Variants in IQGAP2 observed in about 807,000 individuals in gnomAD.
The protein encoded by IQGAP2 is ras GTPase-activating-like protein IQGAP2.
Under a neutral mutation model 201.3 loss-of-function variants are expected in IQGAP2, and 173 were observed. The observed-to-expected ratio is 0.86, with a 90% confidence interval of 0.76 to 0.98. IQGAP2 has a LOEUF of 0.98. Ranked by LOEUF, IQGAP2 falls within the 50% of genes least tolerant of loss-of-function variation. The pLI, the probability that IQGAP2 is intolerant of heterozygous loss-of-function variation, is 0.00. For synonymous variants in IQGAP2, 675 were observed against 673.9 expected (o/e 1.00, Z -0.03); for missense variants, 1,687 against 1,864.8 (o/e 0.90, Z 1.76).
At chr5:76,516,200 A>G (rs544693997) in intron 2 of IQGAP2, among the ~76,000 whole-genome samples, 1 of 152,266 alleles carries the variant, frequency 6.6e-6, no homozygotes, top group African/African-American at 2.4e-5. Flanking sequence ...AAAAGGAAGT[A>G]TAGTTTAATA....
At chr5:76,466,059 A>T (rs1754756462) in intron 2 of IQGAP2, among the ~76,000 whole-genome samples, 1 of 152,122 alleles carries the variant, frequency 6.6e-6, no homozygotes, top group Non-Finnish European at 1.5e-5. Flanking sequence ...TATGGTGGCC[A>T]GGTCTGGTGG....
intron 2 of IQGAP2, among the ~76,000 whole-genome samples, chr5:76,517,674 A>G (rs574936544): frequency 6.6e-6 from 1 of 152,156 alleles, no homozygotes; most frequent in South Asian, 2.1e-4. Flanking sequence ...ATTTCTTGTA[A>G]GTTCACCAGA....
intron 1 of IQGAP2, among the ~76,000 whole-genome samples, chr5:76,424,162 A>G (rs976437669): frequency 1.3e-5 from 2 of 152,158 alleles, no homozygotes; most frequent in Non-Finnish European, 2.9e-5. Flanking sequence ...TGAACTGTAG[A>G]ATTCGTGAGG....
intron 29 of IQGAP2, among the ~76,000 whole-genome samples, 193 bp from the exon 30 acceptor site, chr5:76,683,583 C>T (rs540468360): frequency 6.6e-6 from 1 of 152,182 alleles, no homozygotes; most frequent in East Asian, 1.9e-4. Context: ...ACCTATGTCC[C>T]ATGTCATTTT....
In IQGAP2 at chr5:76,413,137, C is replaced by T. The variant is rs201332454; in HGVS notation, c.46+9546C>T. ...GGATTTAAAATCCTAGCCCTATTTTCTTTTTTCTTTTCTTTTCTCTTTTTT... is the reference window on the plus strand; with the variant it reads ...GGATTTAAAATCCTAGCCCTATTTTTTTTTTTCTTTTCTTTTCTCTTTTTT... On this transcript the variant is annotated intron_variant, in intron 1 of 35. Transcript: ENST00000274364. 1.6e-3 allele frequency among the ~76,000 whole-genome samples: 173 copies of T among 109,844 alleles called. 1 individual carries two copies. The highest frequency in any genetic ancestry group is 0.012 in the Admixed American group (141 of 11,558). 72.1% of individuals were successfully genotyped at this position (109,844 alleles called of 152,430 possible).
chr5:76,670,024 T>C (rs948485587), intron 23 of IQGAP2, among the ~76,000 whole-genome samples: 1 of 152,008 alleles, frequency 6.6e-6, no homozygotes, highest in African/African-American at 2.4e-5. Flanking sequence ...GGTTTCACCA[T>C]GTTGGCCAGG....
chr5:76,680,474 G>T (rs1013265202), intron 28 of IQGAP2, among the ~76,000 whole-genome samples: 6 of 152,178 alleles, frequency 3.9e-5, no homozygotes, highest in African/African-American at 1.4e-4. Context: ...GCAAAGGAAG[G>T]AAATAAACTA....
intron 22 of IQGAP2, 40 bp from the exon 23 acceptor site, chr5:76,668,641 G>A (rs543864416): frequency 1.4e-5 from 22 of 1,530,566 alleles, no homozygotes; most frequent in East Asian, 2.3e-5. Flanking sequence ...TTATTGTTTT[G>A]TGGGATTTTT....
chr5:76,586,300 T>C (rs757932015), intron 5 of IQGAP2, among the ~76,000 whole-genome samples: 7 of 151,830 alleles, frequency 4.6e-5, no homozygotes, highest in Admixed American at 1.3e-4. Flanking sequence ...GGATAAGATA[T>C]AAATATCACA....
intron 2 of IQGAP2, among the ~76,000 whole-genome samples, chr5:76,495,218 C>T (rs1756812035): frequency 6.6e-6 from 1 of 152,104 alleles, no homozygotes; most frequent in African/African-American, 2.4e-5. Flanking sequence ...GGTTGAGAAG[C>T]ACTGGTTGAA....
chr5:76,681,284 A>T (rs1312555784), intron 28 of IQGAP2, among the ~76,000 whole-genome samples: 2 of 152,076 alleles, frequency 1.3e-5, no homozygotes, highest in Non-Finnish European at 2.9e-5. Flanking sequence ...GAGTGAAAAG[A>T]TAATGTATGG....
chr5:76,586,037 A>G (rs182041041), intron 5 of IQGAP2, among the ~76,000 whole-genome samples: 1 of 152,288 alleles, frequency 6.6e-6, no homozygotes, highest in African/African-American at 2.4e-5. Context: ...ATAAAATATT[A>G]TGGTTTTGAA....
At chr5:76,418,601 A>C (rs1196206138) in intron 1 of IQGAP2, among the ~76,000 whole-genome samples, 1 of 152,112 alleles carries the variant, frequency 6.6e-6, no homozygotes, top group Non-Finnish European at 1.5e-5. Flanking sequence ...CTCGAAAAAA[A>C]AAAAAAAAAT....
At chr5:76,488,810 C>T (rs1169930260) in intron 2 of IQGAP2, among the ~76,000 whole-genome samples, 2 of 152,122 alleles carry the variant, frequency 1.3e-5, no homozygotes, top group East Asian at 1.9e-4. Context: ...AAAACAGAGG[C>T]AAAAGTTTCT....
chr5:76,488,019 A>T (rs1756273630), intron 2 of IQGAP2, among the ~76,000 whole-genome samples: 1 of 152,070 alleles, frequency 6.6e-6, no homozygotes, highest in Non-Finnish European at 1.5e-5. Flanking sequence ...TCTGGGGATC[A>T]CCCCTTGCCG....
chr5:76,555,404 C>T (rs1310610082), intron 2 of IQGAP2, among the ~76,000 whole-genome samples: 1 of 152,138 alleles, frequency 6.6e-6, no homozygotes, highest in African/African-American at 2.4e-5. Context: ...ACTGAATACT[C>T]AGAGTATTAA....
intron 1 of IQGAP2, among the ~76,000 whole-genome samples, chr5:76,451,213 A>G (rs1051182771): frequency 3.9e-5 from 6 of 152,316 alleles, no homozygotes; most frequent in Middle Eastern, 3.4e-3. Context: ...ATCTGAAGTC[A>G]CGAAGTGTGC....
intron 2 of IQGAP2, among the ~76,000 whole-genome samples, chr5:76,496,753 CTTTCTTTCTTT>C (rs1756970045): frequency 1.5e-5 from 1 of 65,438 alleles, no homozygotes; most frequent in South Asian, 4.7e-4. Context: ...TTCTTTCTTT[CTTTCTTTCTTT>C]CTTTCTTTCT....
intron 21 of IQGAP2, among the ~76,000 whole-genome samples, chr5:76,663,955 C>G (rs1743505246): frequency 6.6e-6 from 1 of 152,246 alleles, no homozygotes; most frequent in African/African-American, 2.4e-5. Flanking sequence ...GTTTAATCTT[C>G]TATCCATTCC....
Sources: allele counts gnomAD v4.1 joint callset (sites outside exome capture counted in the v4.1 genomes callset), GRCh38; gene constraint gnomAD v4.1.1; transcripts MANE v1.5; gene names NCBI Gene and HGNC (gene_info 2026-07-23, HGNC 2026-07-21).